PPP3CB: variants seen among roughly 807,000 people sequenced by gnomAD.
PPP3CB encodes protein phosphatase 3 catalytic subunit beta, also known as serine/threonine-protein phosphatase 2B catalytic subunit beta isoform.
PPP3CB carries 8 observed loss-of-function variants against 66.4 expected under a neutral mutation model. The observed-to-expected ratio is 0.12, with a 90% confidence interval of 0.07 to 0.22. The LOEUF is 0.22. PPP3CB is among the 10% of genes least tolerant of loss of function. The pLI is 1.00. For missense variants in PPP3CB, 319 were observed against 642.5 expected, an observed-to-expected ratio of 0.50 and a Z score of 5.44; for synonymous variants, 208 against 221.2, an observed-to-expected ratio of 0.94 and a Z score of 0.53.
intron 1 of PPP3CB, among the ~76,000 whole-genome samples, chr10:73,491,409 C>A (rs529633450): frequency 2.6e-5 from 4 of 152,150 alleles, no homozygotes; most frequent in South Asian, 2.1e-4. Context: ...AAGTGATCCC[C>A]CCGCCTCGGC....
chr10:73,487,223 C>T (rs112693040), intron 1 of PPP3CB, among the ~76,000 whole-genome samples: 7,087 of 152,122 alleles, frequency 0.047, 508 homozygotes, highest in African/African-American at 0.15. Flanking sequence ...CTTATCCATT[C>T]TAAGTTCCAC....
intron 9 of PPP3CB, among the ~76,000 whole-genome samples, chr10:73,461,836 A>G (rs1420136675): frequency 6.6e-6 from 1 of 152,184 alleles, no homozygotes; most frequent in African/African-American, 2.4e-5. Context: ...TGTAATCCCC[A>G]GTGTTGGAGG....
chr10:73,473,729 CAT>C (rs1589706744), intron 4 of PPP3CB, among the ~76,000 whole-genome samples: 1 of 151,862 alleles, frequency 6.6e-6, no homozygotes. Flanking sequence ...TGTTCTGTAA[CAT>C]ATGGTTACTT....
chr10:73,453,148 G>C (rs182648081), intron 10 of PPP3CB, among the ~76,000 whole-genome samples: 380 of 152,330 alleles, frequency 2.5e-3, no homozygotes, highest in Middle Eastern at 6.8e-3. Context: ...GTCCTGTGGA[G>C]AAATATGTTT....
At chr10:73,465,214 T>G (rs1188916362) in intron 9 of PPP3CB, among the ~76,000 whole-genome samples, 3 of 152,146 alleles carry the variant, frequency 2.0e-5, no homozygotes, top group East Asian at 3.8e-4. Context: ...AATTTCCCAA[T>G]GTAAGTTATT....
At chr10:73,465,988 CT>C (rs892773677) in intron 9 of PPP3CB, among the ~76,000 whole-genome samples, 1 of 152,110 alleles carries the variant, frequency 6.6e-6, no homozygotes, top group Non-Finnish European at 1.5e-5. Context: ...TTGAATATTT[CT>C]TTGTTTATAA....
At chr10:73,485,667 C>T (rs1440295220) in intron 1 of PPP3CB, among the ~76,000 whole-genome samples, 1 of 152,126 alleles carries the variant, frequency 6.6e-6, no homozygotes, top group East Asian at 1.9e-4. Context: ...TCCCTCCATC[C>T]TTTTCATTGA....
intron 1 of PPP3CB, among the ~76,000 whole-genome samples, chr10:73,481,493 AT>A (rs1197750817): frequency 2.0e-5 from 3 of 151,120 alleles, no homozygotes; most frequent in Non-Finnish European, 4.4e-5. Context: ...ATATACATAT[AT>A]ATATCTCTGA....
At chr10:73,485,939 TG>T (rs1386606377) in intron 1 of PPP3CB, among the ~76,000 whole-genome samples, 10 of 140,324 alleles carry the variant, frequency 7.1e-5, no homozygotes, top group Admixed American at 3.0e-4. Context: ...TGTGTGTGTG[TG>T]TGTGTGTGTG....
At chr10:73,457,574 C>A (rs1477219791) in intron 9 of PPP3CB, among the ~76,000 whole-genome samples, 1 of 151,774 alleles carries the variant, frequency 6.6e-6, no homozygotes, top group Non-Finnish European at 1.5e-5. Context: ...CCTGTCTCTA[C>A]TAAAAATACA....
At chr10:73,463,126 T>C (rs1464800915) in intron 9 of PPP3CB, among the ~76,000 whole-genome samples, 1 of 152,096 alleles carries the variant, frequency 6.6e-6, no homozygotes, top group Admixed American at 6.5e-5. Flanking sequence ...ATCCAAGTCA[T>C]CTCCAACCAT....
At chr10:73,462,914 C>A (rs1403344037) in intron 9 of PPP3CB, among the ~76,000 whole-genome samples, 1 of 123,976 alleles carries the variant, frequency 8.1e-6, no homozygotes, top group African/African-American at 3.0e-5. Flanking sequence ...CACACCACTG[C>A]ACTCCAGCCT....
intron 1 of PPP3CB, among the ~76,000 whole-genome samples, chr10:73,480,557 G>A (rs2056858458): frequency 6.7e-6 from 1 of 149,758 alleles, no homozygotes; most frequent in Non-Finnish European, 1.5e-5. Context: ...GGATTCTCCT[G>A]CCTCAGCCTC....
chr10:73,441,422 G>C (rs964722749), intron 12 of PPP3CB, among the ~76,000 whole-genome samples: 3 of 151,576 alleles, frequency 2.0e-5, no homozygotes, highest in Non-Finnish European at 2.9e-5. Flanking sequence ...CACATAGAGA[G>C]ACCTCATCTC....
At chr10:73,444,077 A>G (rs1589682891) in intron 12 of PPP3CB, 1 of 152,650 alleles carries the variant, frequency 6.6e-6, no homozygotes, top group South Asian at 2.1e-4. Context: ...AGACAGACAG[A>G]TTTAGGAAAG....
chr10:73,441,336 T>G (rs1387639455), intron 12 of PPP3CB, among the ~76,000 whole-genome samples: 1 of 152,116 alleles, frequency 6.6e-6, no homozygotes. Flanking sequence ...ACATGGAAGA[T>G]CATGCCTATA....
chr10:73,493,139 G>A (rs2057105406), intron 1 of PPP3CB, among the ~76,000 whole-genome samples: 1 of 152,046 alleles, frequency 6.6e-6, no homozygotes, highest in Non-Finnish European at 1.5e-5. Flanking sequence ...AACCGGGCAT[G>A]GTGGCGCGCA....
Position 73,494,650 on chromosome 10 carries a change from TA to T in PPP3CB, c.85+1154del, listed in dbSNP as rs563632482. Among the ~76,000 whole-genome samples, 428 of 140,524 alleles carry T rather than the reference TA, an allele frequency of 3.0e-3. 3 individuals are homozygous for T. Among genetic ancestry groups the T allele is most frequent in the Non-Finnish European group, 1.9e-3 (124 of 64,136 alleles). 92.2% of individuals were successfully genotyped at this position (140,524 alleles called of 152,430 possible). ...AAGGCTCAGGTTGAAAATTTTTAAT[TA>T]AAAAAAAAAAAGAAAAAAGGTTTCC... On this transcript the variant is annotated intron_variant, in intron 1 of 13. Transcript: ENST00000360663.
At chr10:73,467,490 A>G in intron 9 of PPP3CB, 63 bp downstream of exon 9, 1 of 1,298,278 alleles carries the variant, frequency 7.7e-7, no homozygotes, top group Non-Finnish European at 1.0e-6. Context: ...TGTGCCTATG[A>G]TAGTAAACTG....
Sources: gnomAD v4.1 joint callset for allele counts (sites outside exome capture counted in the v4.1 genomes callset) on GRCh38, gnomAD v4.1.1 for gene constraint, MANE v1.5 for transcripts, NCBI Gene and HGNC (gene_info 2026-07-23, HGNC 2026-07-21) for gene names.